The following BACE2 variants were observed in gnomAD, a reference collection of about 807,000 sequenced individuals.
BACE2 encodes beta-secretase 2, also known as 56 kDa aspartic-like protease.
Under a neutral mutation model 46.2 loss-of-function variants are expected in BACE2, and 17 were observed. The observed-to-expected ratio is 0.37, with a 90% CI of 0.25 to 0.55. BACE2 has a LOEUF of 0.55. BACE2 is among the 20% of genes least tolerant of loss of function. The pLI, the probability that BACE2 is intolerant of heterozygous loss-of-function variation, is 0.82. For synonymous variants in BACE2, 277 were observed against 295.9 expected, an observed-to-expected ratio of 0.94 and a Z score of 0.66; for missense variants, 595 against 698.1, an observed-to-expected ratio of 0.85 and a Z score of 1.66.
At chr21:41,230,265 G>T (rs1986934858) in intron 2 of BACE2, 1 of 152,192 alleles carries the variant, frequency 6.6e-6, no homozygotes, top group Admixed American at 6.5e-5. Flanking sequence ...TACCATGCTT[G>T]CTTTGCAGAT....
At chr21:41,176,665 C>A (rs1984855697) in intron 1 of BACE2, 1 of 152,164 alleles carries the variant, frequency 6.6e-6, no homozygotes, top group African/African-American at 2.4e-5. Context: ...TCAAGCAGGT[C>A]GTGTTCCAAA....
intron 1 of BACE2, among the ~76,000 whole-genome samples, chr21:41,225,051 G>T (rs544440354): frequency 2.0e-5 from 3 of 152,168 alleles, no homozygotes; most frequent in Non-Finnish European, 2.9e-5. Flanking sequence ...TGGCTAACAC[G>T]GTGAAACCCC....
intron 1 of BACE2, among the ~76,000 whole-genome samples, chr21:41,188,567 C>A (rs1003687086): frequency 2.0e-5 from 3 of 152,016 alleles, no homozygotes; most frequent in East Asian, 1.9e-4. Context: ...ATCACCCCCC[C>A]AGACCCAGGG....
In BACE2 at chr21:41,248,590, G is replaced by A. The variant is rs570749217; in HGVS notation, c.985-2162G>A. ...GTGATGCACATCTTCAGTAGACTTCGCTTTTTCACAAAGCAAAGATGCATT... is the reference window on the plus strand; with the variant it reads ...GTGATGCACATCTTCAGTAGACTTCACTTTTTCACAAAGCAAAGATGCATT... On this transcript the variant is annotated intron_variant, in intron 6 of 8. Transcript: ENST00000330333. 8.5e-5 allele frequency among the ~76,000 whole-genome samples: 13 copies of A among 152,266 alleles called. No individual in the cohort carries two copies. The East Asian group carries it at 1.5e-3, about 18-fold the overall frequency.
chr21:41,257,058 C>T (rs927679663), intron 7 of BACE2, 100 bp from the exon 8 acceptor site: 134 of 1,385,966 alleles, frequency 9.7e-5, no homozygotes, highest in East Asian at 8.8e-4. Context: ...CCCCCAGCGC[C>T]TGGGAGGGTC....
intron 1 of BACE2, among the ~76,000 whole-genome samples, chr21:41,185,741 C>T (rs757746760): frequency 9.2e-5 from 14 of 152,180 alleles, no homozygotes; most frequent in Non-Finnish European, 2.1e-4. Context: ...ATGCCCTCGC[C>T]AAAGCAGCTG....
At chr21:41,203,901 A>G (rs560715778) in intron 1 of BACE2, among the ~76,000 whole-genome samples, 44 of 152,334 alleles carry the variant, frequency 2.9e-4, no homozygotes, top group South Asian at 8.3e-4. Context: ...GGACATTGCT[A>G]CAGAGAGAAG....
chr21:41,171,151 C>G (rs1436406828), intron 1 of BACE2, among the ~76,000 whole-genome samples: 2 of 152,246 alleles, frequency 1.3e-5, no homozygotes, highest in African/African-American at 4.8e-5. Context: ...TGAACGTACA[C>G]CCCAAGGTGT....
intron 1 of BACE2, among the ~76,000 whole-genome samples, chr21:41,198,114 C>A (rs2123523514): frequency 6.6e-6 from 1 of 152,214 alleles, no homozygotes; most frequent in East Asian, 1.9e-4. Flanking sequence ...GCCTCAGCCC[C>A]CCAAGTAGCT....
chr21:41,231,610 T>G (rs1191292854), intron 2 of BACE2, among the ~76,000 whole-genome samples: 1 of 152,228 alleles, frequency 6.6e-6, no homozygotes, highest in Non-Finnish European at 1.5e-5. Context: ...TCAATTGATT[T>G]CACTTTTTAA....
chr21:41,195,710 G>T (rs2837965), intron 1 of BACE2, among the ~76,000 whole-genome samples: 44,562 of 152,096 alleles, frequency 0.29, 7,078 homozygotes, highest in African/African-American at 0.41. Flanking sequence ...CAAGCCTAAA[G>T]CAGGCCCGTC....
At chr21:41,243,559 C>T (rs1329086303) in intron 5 of BACE2, 49 bp downstream of exon 5, 1 of 1,530,462 alleles carries the variant, frequency 6.5e-7, no homozygotes, top group African/African-American at 1.4e-5. Flanking sequence ...TGTCTGGGTC[C>T]CTTAAATATG....
intron 1 of BACE2, among the ~76,000 whole-genome samples, chr21:41,174,296 C>T (rs917867889): frequency 3.3e-5 from 5 of 151,952 alleles, no homozygotes; most frequent in East Asian, 3.9e-4. Flanking sequence ...GTGTGTGCCA[C>T]GACAACCAGC....
chr21:41,252,333 C>G (rs948093502), intron 7 of BACE2: 2 of 152,526 alleles, frequency 1.3e-5, no homozygotes, highest in East Asian at 3.9e-4. Context: ...ACCAACCCCC[C>G]TGCCTGAAAT....
At chr21:41,240,200 G>A (rs1218765348) in intron 3 of BACE2, among the ~76,000 whole-genome samples, 1 of 152,168 alleles carries the variant, frequency 6.6e-6, no homozygotes, top group African/African-American at 2.4e-5. Flanking sequence ...TGGGCTGAGC[G>A]CTCTGCAGTG....
intron 3 of BACE2, 84 bp downstream of exon 3, chr21:41,237,813 C>T: frequency 8.7e-7 from 1 of 1,150,898 alleles, no homozygotes; most frequent in Non-Finnish European, 1.3e-6. Context: ...ACACATGAGT[C>T]TTGGGCTGTT....
intron 3 of BACE2, among the ~76,000 whole-genome samples, chr21:41,238,379 G>A (rs143805276): frequency 6.6e-6 from 1 of 152,364 alleles, no homozygotes; most frequent in African/African-American, 2.4e-5. Flanking sequence ...CCTACCCAAA[G>A]GAAATATGTC....
chr21:41,245,928 C>T lies in BACE2; in HGVS notation c.883-34C>T, dbSNP rs373728365. ...CGTGGGGCGGGGAGCGCCACTGTCA[C>T]TCACGCACCTTTCCCTTTCTCTCCC... On this transcript the variant is annotated intron_variant, in intron 5 of 8. Coordinates refer to ENST00000330333, the MANE Select transcript of BACE2 (RefSeq NM_012105.5). The T allele has an allele frequency of 1.8e-5, 28 of 1,543,698 alleles. No individual in the cohort carries two copies. The African/African-American group carries it at 2.9e-4, about 16-fold the overall frequency.
chr21:41,253,441 CAA>C (rs58206534), intron 7 of BACE2, among the ~76,000 whole-genome samples: 45 of 113,142 alleles, frequency 4.0e-4, no homozygotes, highest in African/African-American at 4.6e-4. Context: ...GACTCCATCT[CAA>C]AAAAAAAAAA....
Sources: allele counts gnomAD v4.1 joint callset (sites outside exome capture counted in the v4.1 genomes callset), GRCh38; gene constraint gnomAD v4.1.1; transcripts MANE v1.5; gene names NCBI Gene and HGNC (gene_info 2026-07-23, HGNC 2026-07-21).